IGF1R: variants seen among roughly 807,000 people sequenced by gnomAD.
IGF1R encodes the protein insulin-like growth factor 1 receptor.
A neutral mutation model predicts 144.6 loss-of-function variants in IGF1R; 44 were observed. The ratio of observed to expected loss-of-function variants is 0.30; its 90% confidence interval spans 0.24 to 0.39. The LOEUF is 0.39. Ranked by LOEUF, IGF1R falls within the 10% of genes least tolerant of loss-of-function variation. IGF1R has a pLI of 1.00. For missense variants in IGF1R, 1,355 were observed against 1,833.7 expected (o/e 0.74, Z 4.77); for synonymous variants, 795 against 722.8 (o/e 1.10, Z -1.60).
rs879021976 is a variant in IGF1R, at chr15:98,961,683, A to T, written c.*4241A>T. On this transcript the variant is annotated 3_prime_UTR_variant, in exon 21 of 21. Coordinates refer to ENST00000650285, the MANE Select transcript of IGF1R (RefSeq NM_000875.5). ...TGTGAGCATTAAGACGTTCTCCCAC[A>T]CAGCCCTTCCCTGAGGCAGCAGGAG... 4.3e-6 allele frequency: 1 copy of T among 233,694 alleles called. No individual in the cohort carries two copies. The highest frequency in any genetic ancestry group is 8.5e-6 in the Non-Finnish European group (1 of 118,062). The allele number at this position is 233,694 out of a possible 1,614,324, so 14.5% of individuals were successfully genotyped here.
intron 17 of IGF1R, among the ~76,000 whole-genome samples, chr15:98,937,644 A>C (rs1027902461): frequency 2.6e-5 from 4 of 152,208 alleles, no homozygotes; most frequent in African/African-American, 9.7e-5. Flanking sequence ...GTATATGTAT[A>C]CTTGTCTTAA....
chr15:98,689,780 C>T (rs1201742855), intron 1 of IGF1R, among the ~76,000 whole-genome samples: 1 of 152,134 alleles, frequency 6.6e-6, no homozygotes, highest in Non-Finnish European at 1.5e-5. Context: ...TGATGTTGAA[C>T]AGATCCTGTC....
At position 98,688,351 on chromosome 15, in the gene IGF1R, C is replaced by CTA. The variant is rs1555431945; in HGVS notation, c.95-19211_95-19210insTA. On this transcript the variant is annotated intron_variant, in intron 1 of 20. Transcript: ENST00000650285. The stretch of plus-strand genomic sequence containing the variant: ...TCCTCTCTCTGCCTTTCACTTCCCC[C>CTA]CACACTCTCTCTCCCCCGCTCCCAA... Among the ~76,000 whole-genome samples the CTA allele has an allele frequency of 2.7e-3, 381 of 139,462 alleles. 12 individuals carry two copies. Among genetic ancestry groups the CTA allele is most frequent in the Non-Finnish European group, 4.5e-3 (292 of 65,464 alleles). The allele number at this position is 139,462 out of a possible 152,430, so 91.5% of individuals were successfully genotyped here.
intron 2 of IGF1R, among the ~76,000 whole-genome samples, chr15:98,756,249 G>GTT (rs35407450): frequency 1.4e-3 from 203 of 142,172 alleles, no homozygotes; most frequent in African/African-American, 4.9e-3. Context: ...GAAATAACCT[G>GTT]TTTTTTTTTT....
rs1206148218 is a variant in IGF1R at position 98,961,082 on chromosome 15, C to T, written c.*3640C>T. 3.0e-5 allele frequency: 7 copies of T among 233,502 alleles called. No homozygotes were observed. Among genetic ancestry groups the T allele is most frequent in the Admixed American group, 5.6e-5 (1 of 17,788 alleles). The allele number at this position is 233,502 out of a possible 1,614,324, so 14.5% of individuals were successfully genotyped here. The stretch of plus-strand genomic sequence containing the variant: ...TCGGCAATTCCAGCCTAAGTGAAGG[C>T]GCTCAGGAGCCTCCTGCTGGAACGC... On this transcript the variant is annotated 3_prime_UTR_variant, in exon 21 of 21. Coordinates refer to ENST00000650285, the MANE Select transcript of IGF1R (RefSeq NM_000875.5).
chr15:98,830,717 C>A (rs1016152521), intron 2 of IGF1R, among the ~76,000 whole-genome samples: 1 of 151,606 alleles, frequency 6.6e-6, no homozygotes, highest in Non-Finnish European at 1.5e-5. Flanking sequence ...AATTCTCCTG[C>A]GTCAGCCTCC....
At chr15:98,657,825 C>T (rs984214997) in intron 1 of IGF1R, among the ~76,000 whole-genome samples, 2 of 152,182 alleles carry the variant, frequency 1.3e-5, no homozygotes, top group African/African-American at 4.8e-5. Flanking sequence ...GCAGCCTGTC[C>T]TTTTCTGGGG....
intron 2 of IGF1R, among the ~76,000 whole-genome samples, chr15:98,809,740 G>A (rs187901250): frequency 4.1e-4 from 62 of 152,312 alleles, no homozygotes; most frequent in African/African-American, 1.4e-3. Flanking sequence ...GTGAGATCCA[G>A]GAGTGTCTTT....
At chr15:98,759,138 T>A (rs1423832495) in intron 2 of IGF1R, among the ~76,000 whole-genome samples, 1 of 152,202 alleles carries the variant, frequency 6.6e-6, no homozygotes, top group Non-Finnish European at 1.5e-5. Flanking sequence ...ATTGTATGCC[T>A]GTAAGTATGT....
At chr15:98,904,739 A>G (rs2014650137) in intron 5 of IGF1R, among the ~76,000 whole-genome samples, 1 of 152,228 alleles carries the variant, frequency 6.6e-6, no homozygotes, top group African/African-American at 2.4e-5. Context: ...GTATAATTGC[A>G]GAATTGTTTT....
intron 2 of IGF1R, among the ~76,000 whole-genome samples, chr15:98,757,082 A>C (rs1239931781): frequency 6.6e-6 from 1 of 152,236 alleles, no homozygotes; most frequent in African/African-American, 2.4e-5. Flanking sequence ...AGTAAATCAA[A>C]CTTACTGATT....
intron 2 of IGF1R, among the ~76,000 whole-genome samples, chr15:98,728,013 T>TTG (rs1555436614): frequency 1.3e-5 from 2 of 149,998 alleles, no homozygotes; most frequent in Non-Finnish European, 1.5e-5. Flanking sequence ...CATTGTTTTT[T>TTG]TTTTTTTTTT....
intron 2 of IGF1R, among the ~76,000 whole-genome samples, chr15:98,769,240 T>C (rs998710585): frequency 7.2e-5 from 11 of 152,000 alleles, no homozygotes; most frequent in Non-Finnish European, 1.6e-4. Context: ...GTATGTACCT[T>C]GTGGCTAATT....
chr15:98,790,103 A>T (rs188187199), intron 2 of IGF1R, among the ~76,000 whole-genome samples: 1 of 152,258 alleles, frequency 6.6e-6, no homozygotes, highest in African/African-American at 2.4e-5. Context: ...AGAGGCCGGG[A>T]CAGGTGATTT....
At chr15:98,665,884 T>C (rs2052724830) in intron 1 of IGF1R, among the ~76,000 whole-genome samples, 1 of 151,726 alleles carries the variant, frequency 6.6e-6, no homozygotes, top group African/African-American at 2.4e-5. Context: ...AATTCAAGGT[T>C]AGTCCTGTTT....
chr15:98,911,382 C>G lies in IGF1R; in HGVS notation c.1530C>G (p.His510Gln). Reference sequence around the variant, plus strand: ...AGAATCGCATCATCATAACCTGGCACCGGTACCGGCCCCCTGACTACAGGG... The same window carrying G: ...AGAATCGCATCATCATAACCTGGCAGCGGTACCGGCCCCCTGACTACAGGG... ...TSKNRIIITW[H>Q]RYRPPDYRDL... is the part of the protein sequence containing the mutation. The change falls in exon 7 of 21, where the codon CAC becomes CAG. Residue 510 changes from histidine (H) to glutamine (Q), a missense_variant. Around this residue, in one of 7 missense-constraint regions of IGF1R, gnomAD observed 880 missense variants for 1,202.7 expected, o/e 0.73. Transcript: ENST00000650285. 3 of 1,614,226 alleles carry G rather than the reference C, an allele frequency of 1.9e-6. No homozygotes were observed. The highest frequency in any genetic ancestry group is 2.5e-6 in the Non-Finnish European group (3 of 1,180,040).
At chr15:98,867,223 G>A (rs991116189) in intron 2 of IGF1R, among the ~76,000 whole-genome samples, 20 of 151,842 alleles carry the variant, frequency 1.3e-4, no homozygotes, top group African/African-American at 4.4e-4. Flanking sequence ...TAGATGATCC[G>A]TAGGCATCAA....
Position 98,961,501 on chromosome 15 carries a change from A to G in IGF1R, c.*4059A>G, listed in dbSNP as rs1304015209. The G allele has an allele frequency of 4.3e-6, 1 of 233,410 alleles. No homozygotes were observed. The highest frequency in any genetic ancestry group is 8.5e-6 in the Non-Finnish European group (1 of 118,040). The allele number at this position is 233,410 out of a possible 1,614,324, so 14.5% of individuals were successfully genotyped here. On this transcript the variant is annotated 3_prime_UTR_variant, in exon 21 of 21. Coordinates refer to ENST00000650285, the MANE Select transcript of IGF1R (RefSeq NM_000875.5). Reference sequence around the variant, plus strand: ...CAAGGCATCATCTATCCACAGTTCTAGCCTAACTTCATGCTGATTTCTCTG... The same window carrying G: ...CAAGGCATCATCTATCCACAGTTCTGGCCTAACTTCATGCTGATTTCTCTG...
chr15:98,815,051 T>C (rs1387387245), intron 2 of IGF1R, among the ~76,000 whole-genome samples: 3 of 152,226 alleles, frequency 2.0e-5, no homozygotes, highest in Non-Finnish European at 4.4e-5. Flanking sequence ...AGTACAAAAA[T>C]TTATGCGTTT....
Sources: allele counts gnomAD v4.1 joint callset (sites outside exome capture counted in the v4.1 genomes callset), GRCh38; gene constraint gnomAD v4.1.1; regional missense constraint gnomAD v4.1.1; transcripts MANE v1.5; gene names NCBI Gene and HGNC (gene_info 2026-07-23, HGNC 2026-07-21).